The following NKAIN2 variants were observed in gnomAD, a reference collection of about 807,000 sequenced individuals.
The protein encoded by NKAIN2 is sodium/potassium transporting ATPase interacting 2.
A neutral mutation model predicts 32.6 loss-of-function variants in NKAIN2; 14 were observed. The ratio of observed to expected loss-of-function variants is 0.43; its 90% CI spans 0.28 to 0.67. The LOEUF (loss-of-function observed/expected upper bound fraction) is 0.67, where lower values mean the gene tolerates loss of function less well. Among genes scored for constraint, NKAIN2 ranks in the 30% least tolerant of loss-of-function variants. The pLI is 0.17. For synonymous variants in NKAIN2, 80 were observed against 87.2 expected (o/e 0.92, Z 0.46); for missense variants, 198 against 258.3 (o/e 0.77, Z 1.60).
At chr6:124,338,049 T>TTATTA (rs1403231420) in intron 2 of NKAIN2, among the ~76,000 whole-genome samples, 1 of 152,194 alleles carries the variant, frequency 6.6e-6, no homozygotes, top group Non-Finnish European at 1.5e-5. Context: ...TGGTTAATAA[T>TTATTA]GCTTCTGTTT....
chr6:124,293,915 A>C (rs1239982846), intron 2 of NKAIN2, among the ~76,000 whole-genome samples: 2 of 152,118 alleles, frequency 1.3e-5, no homozygotes, highest in Admixed American at 1.3e-4. Flanking sequence ...GATATTTGCT[A>C]ATTTTTATGG....
chr6:124,078,814 G>GTA (rs1783820938), intron 1 of NKAIN2, among the ~76,000 whole-genome samples: 1 of 151,734 alleles, frequency 6.6e-6, no homozygotes, highest in African/African-American at 2.4e-5. Flanking sequence ...GTGTGTGTGT[G>GTA]TGTGTGTGTG....
At chr6:124,818,741 T>A in intron 6 of NKAIN2, among the ~76,000 whole-genome samples, 1 of 152,100 alleles carries the variant, frequency 6.6e-6, no homozygotes, top group Admixed American at 6.6e-5. Context: ...TATCTACCAC[T>A]TCTTTGAGTT....
intron 1 of NKAIN2, among the ~76,000 whole-genome samples, chr6:124,015,759 A>G (rs1341239136): frequency 2.0e-5 from 3 of 152,300 alleles, no homozygotes; most frequent in South Asian, 4.1e-4. Context: ...ATACGCTCAT[A>G]TAAGAGTCAG....
At chr6:124,360,512 ATT>A (rs1799238887) in intron 3 of NKAIN2, among the ~76,000 whole-genome samples, 1 of 152,138 alleles carries the variant, frequency 6.6e-6, no homozygotes, top group South Asian at 2.1e-4. Context: ...TAGTTAATAT[ATT>A]TTCTTCATTG....
intron 3 of NKAIN2, among the ~76,000 whole-genome samples, chr6:124,551,325 G>C (rs1368399835): frequency 6.6e-6 from 1 of 152,194 alleles, no homozygotes; most frequent in African/African-American, 2.4e-5. Flanking sequence ...TGCAACTGCA[G>C]CTGAGAAATG....
In NKAIN2 at chr6:124,312,262, A is replaced by C. The variant is rs1347222568; in HGVS notation, c.192+29120A>C. On this transcript the variant is annotated intron_variant, in intron 2 of 6. Transcript: ENST00000368417. ...AGATTTCTCCCCACCAGCAAGCAAG[A>C]AGTCTATTCTGCTGCAGACACCAGC... is the stretch of plus-strand genomic sequence containing the variant. Among the ~76,000 whole-genome samples, 4 of 152,262 alleles carry C rather than the reference A, an allele frequency of 2.6e-5. No individual in the cohort carries two copies. In the East Asian group the frequency reaches 7.8e-4, roughly 30 times the overall value.
intron 3 of NKAIN2, among the ~76,000 whole-genome samples, chr6:124,357,464 G>A (rs958158034): frequency 6.6e-6 from 1 of 151,852 alleles, no homozygotes; most frequent in East Asian, 1.9e-4. Context: ...CTCAAAAATG[G>A]TACATATGAA....
intron 3 of NKAIN2, among the ~76,000 whole-genome samples, chr6:124,391,413 C>A (rs536743327): frequency 3.3e-5 from 5 of 152,196 alleles, no homozygotes; most frequent in African/African-American, 1.2e-4. Flanking sequence ...AAGTCCAGGG[C>A]TGTGCCTCTC....
At chr6:124,748,689 AT>A (rs1355694810) in intron 4 of NKAIN2, among the ~76,000 whole-genome samples, 2 of 151,962 alleles carry the variant, frequency 1.3e-5, no homozygotes, top group Non-Finnish European at 2.9e-5. Context: ...GTTTTCTGCT[AT>A]TCAGAGCACT....
At chr6:124,420,392 G>C (rs1583224835) in intron 3 of NKAIN2, among the ~76,000 whole-genome samples, 1 of 152,064 alleles carries the variant, frequency 6.6e-6, no homozygotes, top group Non-Finnish European at 1.5e-5. Context: ...AGTGAAGGTA[G>C]GTTAAACAAA....
At position 123,803,976 on chromosome 6, in the gene NKAIN2, T is replaced by C. The variant is rs1259644684; in HGVS notation, c.-225T>C. 6.7e-6 allele frequency among the ~76,000 whole-genome samples: 1 copy of C among 149,768 alleles called. No homozygotes were observed. The highest frequency in any genetic ancestry group is 6.6e-5 in the Admixed American group (1 of 15,068). On this transcript the variant is annotated 5_prime_UTR_variant, in exon 1 of 7. Coordinates refer to ENST00000368417, the MANE Select transcript of NKAIN2 (RefSeq NM_001040214.3). ...CGGCGCGGCGTGTGCACCGAGCGAG[T>C]GAAGGTATGTGTGGCGGGCGCGGCT...
chr6:123,980,892 A>G (rs1778859840), intron 1 of NKAIN2, among the ~76,000 whole-genome samples: 1 of 146,976 alleles, frequency 6.8e-6, no homozygotes, highest in East Asian at 2.0e-4. Flanking sequence ...TTTTTTTGAG[A>G]TGGAGTCTTG....
At chr6:123,940,302 T>TTGTG (rs75849088) in intron 1 of NKAIN2, among the ~76,000 whole-genome samples, 10 of 149,668 alleles carry the variant, frequency 6.7e-5, no homozygotes, top group East Asian at 2.0e-4. Context: ...TGTGTTTGGT[T>TTGTG]TGTGTGTGTG....
chr6:124,674,322 C>A (rs577456207), intron 4 of NKAIN2, among the ~76,000 whole-genome samples: 8 of 151,946 alleles, frequency 5.3e-5, no homozygotes, highest in African/African-American at 1.7e-4. Context: ...TTTTCTTTCT[C>A]AAGATTGTTT....
chr6:124,202,478 G>T (rs187931273), intron 1 of NKAIN2, among the ~76,000 whole-genome samples: 1 of 151,028 alleles, frequency 6.6e-6, no homozygotes, highest in African/African-American at 2.4e-5. Context: ...TTCAACTGTT[G>T]TTCTAACATA....
At chr6:124,272,958 CCCAAT>C (rs1348582051) in intron 1 of NKAIN2, among the ~76,000 whole-genome samples, 1 of 152,188 alleles carries the variant, frequency 6.6e-6, no homozygotes, top group Non-Finnish European at 1.5e-5. Context: ...GAAACATTTA[CCCAAT>C]GCCTGTTCCC....
At chr6:124,204,027 G>C (rs527332733) in intron 1 of NKAIN2, among the ~76,000 whole-genome samples, 1 of 151,836 alleles carries the variant, frequency 6.6e-6, no homozygotes, top group Non-Finnish European at 1.5e-5. Context: ...CACTATTGCA[G>C]CATCTGCTCC....
At chr6:124,420,044 A>G (rs773406520) in intron 3 of NKAIN2, among the ~76,000 whole-genome samples, 79 of 152,222 alleles carry the variant, frequency 5.2e-4, no homozygotes, top group Non-Finnish European at 9.7e-4. Flanking sequence ...ATATACTGTT[A>G]AGTTAGCCAG....
Sources: allele counts gnomAD v4.1 joint callset (sites outside exome capture counted in the v4.1 genomes callset), GRCh38; gene constraint gnomAD v4.1.1; transcripts MANE v1.5; gene names NCBI Gene and HGNC (gene_info 2026-07-23, HGNC 2026-07-21).